The following ETFDH variants were observed in gnomAD, a reference collection of about 807,000 sequenced individuals.
ETFDH encodes electron transfer flavoprotein dehydrogenase.
Under a neutral mutation model 73.2 loss-of-function variants are expected in ETFDH, and 61 were observed. The observed-to-expected ratio is 0.83, with a 90% confidence interval of 0.68 to 1.03. ETFDH has a LOEUF of 1.03. ETFDH is among the 50% of genes least tolerant of loss of function. The pLI is 0.00. For synonymous variants in ETFDH, 243 were observed against 253.3 expected (o/e 0.96, Z 0.39); for missense variants, 685 against 745.0 (o/e 0.92, Z 0.94).
In ETFDH at chr4:158,697,715, A is replaced by T. The variant is rs780479864; in HGVS notation, c.972+16A>T. Reference sequence around the variant, plus strand: ...TGGTCTTGTGGTAAGTTATATTCCCATTAGGGAAAATTCTGCTGCTAGAGT... The same window carrying T: ...TGGTCTTGTGGTAAGTTATATTCCCTTTAGGGAAAATTCTGCTGCTAGAGT... On this transcript the variant is annotated intron_variant, in intron 8 of 12. Coordinates refer to ENST00000511912, the MANE Select transcript of ETFDH (RefSeq NM_004453.4). 1.1e-5 allele frequency: 17 copies of T among 1,607,020 alleles called. No individual in the cohort carries two copies. Among genetic ancestry groups the T allele is most frequent in the Non-Finnish European group, 1.4e-5 (16 of 1,173,656 alleles).
Position 158,684,572 on chromosome 4 carries a change from T to C in ETFDH, c.406-20T>C, listed in dbSNP as rs753731596. ...GCAAATATAAACTAAAAACATTTCT[T>C]TTTCTTCTTTTATTTCTAGGCTCCA... On this transcript the variant is annotated intron_variant, in intron 3 of 12. Transcript: ENST00000511912. The C allele has an allele frequency of 1.5e-6, 2 of 1,365,080 alleles. No homozygotes were observed. Among genetic ancestry groups the C allele is most frequent in the Non-Finnish European group, 2.1e-6 (2 of 954,612 alleles). 84.6% of individuals were successfully genotyped at this position (1,365,080 alleles called of 1,614,324 possible). A position where few individuals can be genotyped will look rare whatever the true frequency, so the allele number is the denominator to read the frequency against.
intron 10 of ETFDH, 143 bp from the exon 11 acceptor site, chr4:158,706,046 A>T: frequency 2.9e-6 from 2 of 679,790 alleles, no homozygotes; most frequent in Admixed American, 2.1e-5. Context: ...ACACCACTGT[A>T]CTCCAACCTG....
chr4:158,673,830 G>T (rs1773645006), intron 1 of ETFDH, among the ~76,000 whole-genome samples: 1 of 152,186 alleles, frequency 6.6e-6, no homozygotes, highest in Admixed American at 6.5e-5. Flanking sequence ...TAGCCTGCTG[G>T]CATGAAAGAG....
chr4:158,674,706 GA>G (rs1175270878), intron 1 of ETFDH, among the ~76,000 whole-genome samples: 1 of 152,126 alleles, frequency 6.6e-6, no homozygotes, highest in African/African-American at 2.4e-5. Context: ...AAATTACTCT[GA>G]AAAGCATTAA....
In ETFDH at chr4:158,690,420, C is replaced by A. The variant is rs141407224; in HGVS notation, c.679C>A (p.Pro227Thr). 24 of 1,554,770 alleles carry A rather than the reference C, an allele frequency of 1.5e-5. No homozygotes were observed. The highest frequency in any genetic ancestry group is 1.7e-4 in the Middle Eastern group (1 of 5,972). Residue 227 changes from proline to threonine, a missense_variant, in exon 6 of 13, where the codon CCA becomes ACA. Pro to Thr is a conservative substitution (Grantham distance 38). Transcript: ENST00000511912. ...NDVGIQKDGA[P>T]KATFERGLEL... ...TGTAGGGATACAAAAGGATGGTGCA[C>A]CAAAGGTAAACCTTTTTAATAGTTA...
chr4:158,677,005 A>G (rs943598857), intron 1 of ETFDH, among the ~76,000 whole-genome samples: 2 of 152,166 alleles, frequency 1.3e-5, no homozygotes, highest in African/African-American at 4.8e-5. Context: ...TCCACGGGCT[A>G]TCTTTTCACT....
At chr4:158,699,352 T>C (rs182133498) in intron 9 of ETFDH, among the ~76,000 whole-genome samples, 107 of 152,286 alleles carry the variant, frequency 7.0e-4, no homozygotes, top group African/African-American at 2.5e-3. Flanking sequence ...CCCAGCACTT[T>C]GGAAGGCCGA....
chr4:158,673,191 C>G (rs1181408087), intron 1 of ETFDH, among the ~76,000 whole-genome samples: 1 of 152,170 alleles, frequency 6.6e-6, no homozygotes, highest in African/African-American at 2.4e-5. Context: ...GTAATCCCAG[C>G]TACTCAGGAG....
intron 1 of ETFDH, among the ~76,000 whole-genome samples, chr4:158,678,463 T>TA (rs1773765643): frequency 6.6e-6 from 1 of 152,168 alleles, no homozygotes; most frequent in Admixed American, 6.5e-5. Context: ...GGATACATGG[T>TA]ATCAATATGT....
At chr4:158,706,159 G>A (rs376382860) in intron 10 of ETFDH, 30 bp from the exon 11 acceptor site, 83 of 1,478,908 alleles carry the variant, frequency 5.6e-5, no homozygotes, top group East Asian at 2.5e-4. Context: ...GGGCAGTTTC[G>A]CACTTAACAT....
chr4:158,702,555 A>G (rs1166099614), intron 9 of ETFDH, among the ~76,000 whole-genome samples: 1 of 151,986 alleles, frequency 6.6e-6, no homozygotes, highest in Non-Finnish European at 1.5e-5. Flanking sequence ...TCCATATATG[A>G]GTGAGAACAT....
chr4:158,707,419 CCT>C (rs1257384888), intron 12 of ETFDH, among the ~76,000 whole-genome samples: 4 of 152,126 alleles, frequency 2.6e-5, no homozygotes, highest in African/African-American at 9.7e-5. Flanking sequence ...TTGAAAACTC[CCT>C]GAGGTTAAAT....
chr4:158,693,067 GA>G (rs1040166025), intron 6 of ETFDH, among the ~76,000 whole-genome samples: 2 of 152,014 alleles, frequency 1.3e-5, no homozygotes, highest in Non-Finnish European at 2.9e-5. Flanking sequence ...TTAGAGTGGG[GA>G]AAATCAAAGA....
chr4:158,687,049 G>A (rs144145782), intron 5 of ETFDH, among the ~76,000 whole-genome samples: 4,336 of 152,238 alleles, frequency 0.028, 87 homozygotes, highest in Non-Finnish European at 0.043. Flanking sequence ...GATTTTTAGG[G>A]GAATTCAGTG....
At chr4:158,680,207 C>T in intron 1 of ETFDH, 1 of 369,206 alleles carries the variant, frequency 2.7e-6, no homozygotes, top group Non-Finnish European at 5.1e-6. Flanking sequence ...CCATATTACT[C>T]TCAAAGTGTT....
At chr4:158,704,507 C>G (rs868756579) in intron 10 of ETFDH, among the ~76,000 whole-genome samples, 13 of 152,192 alleles carry the variant, frequency 8.5e-5, no homozygotes, top group African/African-American at 2.2e-4. Context: ...CACAGTGGCC[C>G]TGCCTTGACC....
At chr4:158,703,824 C>T (rs1561250077) in intron 10 of ETFDH, among the ~76,000 whole-genome samples, 3 of 152,208 alleles carry the variant, frequency 2.0e-5, no homozygotes, top group Non-Finnish European at 4.4e-5. Flanking sequence ...TAGCCAGCCA[C>T]GGTGGCTCAC....
intron 9 of ETFDH, among the ~76,000 whole-genome samples, chr4:158,702,984 T>C (rs1774505923): frequency 6.6e-6 from 1 of 152,236 alleles, no homozygotes; most frequent in South Asian, 2.1e-4. Flanking sequence ...GTAAGTTTTT[T>C]GTCTTTTTGA....
intron 5 of ETFDH, among the ~76,000 whole-genome samples, chr4:158,688,901 T>C (rs1188627089): frequency 6.6e-6 from 1 of 152,178 alleles, no homozygotes; most frequent in Non-Finnish European, 1.5e-5. Context: ...TTTTTTGTTG[T>C]TGGTTTTTTT....
Sources: allele counts gnomAD v4.1 joint callset (sites outside exome capture counted in the v4.1 genomes callset), GRCh38; gene constraint gnomAD v4.1.1; transcripts MANE v1.5; gene names NCBI Gene and HGNC (gene_info 2026-07-23, HGNC 2026-07-21).